Variants in SLC6A7 observed in about 807,000 individuals in gnomAD.
The protein encoded by SLC6A7 is solute carrier family 6 member 7, also known as sodium-dependent proline transporter.
Under a neutral mutation model 73.1 loss-of-function variants are expected in SLC6A7, and 58 were observed. That is an observed-to-expected ratio of 0.79 (90% confidence interval 0.64 to 0.99). The LOEUF (loss-of-function observed/expected upper bound fraction) is 0.99, where lower values mean the gene tolerates loss of function less well. SLC6A7 is among the 50% of genes least tolerant of loss of function. The pLI is 0.00. For synonymous variants in SLC6A7, 338 were observed against 338.7 expected (o/e 1.00, Z 0.02); for missense variants, 783 against 831.4 (o/e 0.94, Z 0.72).
Position 150,203,652 on chromosome 5 carries a change from G to A in SLC6A7, c.1088-15G>A, listed in dbSNP as rs539067866. ...GCATGACCCAAGCTGCTGACCCCGT[G>A]TGCCCCTGGCCCAGGCCCTGGCCTG... On this transcript the variant is annotated splice_polypyrimidine_tract_variant and intron_variant, in intron 8 of 13. Coordinates refer to ENST00000230671, the MANE Select transcript of SLC6A7 (RefSeq NM_014228.5). 5 of 1,424,076 alleles carry A rather than the reference G, an allele frequency of 3.5e-6. No individual in the cohort carries two copies. The highest frequency in any genetic ancestry group is 2.8e-5 in the African/African-American group (2 of 71,320). The allele number at this position is 1,424,076 out of a possible 1,614,324, so 88.2% of individuals were successfully genotyped here.
chr5:150,205,686 C>A, intron 13 of SLC6A7, 63 bp downstream of exon 13: 1 of 1,420,798 alleles, frequency 7.0e-7, no homozygotes, highest in East Asian at 2.3e-5. Context: ...CTAGGTCCCC[C>A]TGCTAGAACA....
At chr5:150,204,986 C>G in intron 12 of SLC6A7, 59 bp downstream of exon 12, 1 of 1,110,038 alleles carries the variant, frequency 9.0e-7, no homozygotes, top group Non-Finnish European at 1.4e-6. Flanking sequence ...AGCGGGAGTC[C>G]CCTCTGCACG....
In SLC6A7 at chr5:150,207,569, T is replaced by C. The variant is rs553015447; in HGVS notation, c.1702-1837T>C. Among the ~76,000 whole-genome samples, 13 of 152,266 alleles carry C rather than the reference T, an allele frequency of 8.5e-5. No homozygotes were observed. The South Asian group carries it at 2.7e-3, about 32-fold the overall frequency. On this transcript the variant is annotated intron_variant, in intron 13 of 13. Coordinates refer to ENST00000230671, the MANE Select transcript of SLC6A7 (RefSeq NM_014228.5). ...GTGATACCTACTTTTAGGCCTGTTA[T>C]GAGAAGAAAAGAAGTTTATCAATAT...
At chr5:150,208,124 T>C (rs967947982) in intron 13 of SLC6A7, among the ~76,000 whole-genome samples, 3 of 151,988 alleles carry the variant, frequency 2.0e-5, no homozygotes, top group African/African-American at 7.3e-5. Context: ...CCTAAGTCCT[T>C]GTTCTCAGGG....
Position 150,209,406 on chromosome 5 carries a change from C to T in SLC6A7, c.1702C>T (p.Arg568Trp), listed in dbSNP as rs778460865. 9 of 1,612,648 alleles carry T rather than the reference C, an allele frequency of 5.6e-6. No individual in the cohort carries two copies. Among genetic ancestry groups the T allele is most frequent in the East Asian group, 4.5e-5 (2 of 44,904 alleles). The change falls in exon 14 of 14, where the codon CGG (arginine) becomes TGG (tryptophan). Residue 568 changes from arginine (R) to tryptophan (W), a missense_variant and splice_region_variant. By Grantham distance (101) the Arg-to-Trp change is moderately radical. Transcript: ENST00000230671. ...VLREEGSLWE[R>W]LQQASRPAMD... The stretch of plus-strand genomic sequence containing the variant: ...CACTGCTCTCGTTGCTTTGCTGCAG[C>T]GGCTCCAACAGGCCAGCCGGCCGGC...
Position 150,199,271 on chromosome 5 carries a change from C to G in SLC6A7, c.628C>G (p.Pro210Ala). The change falls in exon 5 of 14, where the codon CCT (proline) becomes GCT (alanine). Residue 210 changes from proline (P) to alanine (A), a missense_variant. Coordinates refer to ENST00000230671, the MANE Select transcript of SLC6A7 (RefSeq NM_014228.5). ...HIQGSQGIGS[P>A]GEIRWNLCLC... ...CCAAGGCAGCCAGGGCATCGGCAGCCCTGGGGAGATCCGCTGGAACCTCTG... is the reference window on the plus strand; with the variant it reads ...CCAAGGCAGCCAGGGCATCGGCAGCGCTGGGGAGATCCGCTGGAACCTCTG... 3 of 1,613,940 alleles carry G rather than the reference C, an allele frequency of 1.9e-6. No homozygotes were observed. Among genetic ancestry groups the G allele is most frequent in the Non-Finnish European group, 2.5e-6 (3 of 1,179,900 alleles).
At chr5:150,203,477 C>T (rs958309513) in intron 8 of SLC6A7, among the ~76,000 whole-genome samples, 190 bp from the exon 9 acceptor site, 1 of 152,152 alleles carries the variant, frequency 6.6e-6, no homozygotes, top group African/African-American at 2.4e-5. Flanking sequence ...CTATGTTTAT[C>T]GAGCACCTAC....
Position 150,199,379 on chromosome 5 carries a change from A to G in SLC6A7, c.723+13A>G. The G allele has an allele frequency of 6.2e-7, 1 of 1,602,240 alleles. No homozygotes were observed. Among genetic ancestry groups the G allele is most frequent in the East Asian group, 2.2e-5 (1 of 44,734 alleles). Reference sequence around the variant, plus strand: ...GTCTTCGGGCAAGGTGAAGCCTGGGAGGCCCCGGAGGCCTGAGGGGCTGGA... The same window carrying G: ...GTCTTCGGGCAAGGTGAAGCCTGGGGGGCCCCGGAGGCCTGAGGGGCTGGA... On this transcript the variant is annotated intron_variant, in intron 5 of 13. Transcript: ENST00000230671.
rs969593253 is a variant in SLC6A7, at chr5:150,197,189, G to T, written c.497G>T (p.Cys166Phe). The change falls in exon 4 of 14, where the codon TGC becomes TTC. Residue 166 changes from cysteine to phenylalanine, a missense_variant. By Grantham distance (205) the Cys-to-Phe change is radical. Coordinates refer to ENST00000230671, the MANE Select transcript of SLC6A7 (RefSeq NM_014228.5). ...HCGNWWNTEL[C>F]LEHRVSKDGN... The stretch of plus-strand genomic sequence containing the variant: ...GGCAACTGGTGGAACACAGAACTCT[G>T]CCTGGAGCACAGAGTCTCCAAGGAC... 2.1e-5 allele frequency: 34 copies of T among 1,613,992 alleles called. No homozygotes were observed. The highest frequency in any genetic ancestry group is 2.9e-5 in the Non-Finnish European group (34 of 1,180,024).
chr5:150,196,979 G>A, intron 3 of SLC6A7, 63 bp from the exon 4 acceptor site: 2 of 1,552,700 alleles, frequency 1.3e-6, no homozygotes, highest in Non-Finnish European at 1.8e-6. Context: ...CTCCCCAGAA[G>A]CCACTCCACC....
Position 150,190,148 on chromosome 5 carries a change from C to A in SLC6A7, c.-180C>A. 1 of 502,522 alleles carries A rather than the reference C, an allele frequency of 2.0e-6. No individual in the cohort carries two copies. The highest frequency in any genetic ancestry group is 3.1e-5 in the South Asian group (1 of 31,824). 31.1% of individuals were successfully genotyped at this position (502,522 alleles called of 1,614,324 possible). A position where few individuals can be genotyped will look rare whatever the true frequency, so the allele number is the denominator to read the frequency against. ...GCTGCGCAGGGACAGACAAGGCATT[C>A]GCAGCGCCCTGCCCGCGCTCCACGC... On this transcript the variant is annotated 5_prime_UTR_variant, in exon 1 of 14. Coordinates refer to ENST00000230671, the MANE Select transcript of SLC6A7 (RefSeq NM_014228.5).
rs4705426 is a variant in SLC6A7 at position 150,205,462 on chromosome 5, A to C, written c.1540A>C (p.Met514Leu). 1 allele frequency: 1,599,651 copies of C among 1,599,654 alleles called. 799,824 individuals carry two copies. Among genetic ancestry groups the C allele is most frequent in the Middle Eastern group, 1 (5,980 of 5,980 alleles). The change falls in exon 13 of 14, where the codon ATG (methionine) becomes CTG (leucine). Residue 514 changes from methionine to leucine, a missense_variant. By Grantham distance (15) the Met-to-Leu change is conservative. Transcript: ENST00000230671. ...FLSPATLLALMVYSIVKYQPS... is the reference protein window; with the variant it reads ...FLSPATLLALLVYSIVKYQPS... ...GGGAGTCCCCACTCTGCAGGCCCTC[A>C]TGGTGTATAGCATCGTCAAGTACCA...
rs1753653514 is a variant in SLC6A7, at chr5:150,205,531, C to A, written c.1609C>A (p.Leu537Met). ...GSYRFPPWAE[L>M]LGILMGLLSC... is the part of the protein sequence containing the mutation. ...TTACCGCTTCCCGCCCTGGGCTGAG[C>A]TGCTGGGCATCCTGATGGGCCTGCT... Residue 537 changes from leucine (L) to methionine (M), a missense_variant, in exon 13 of 14, where the codon CTG becomes ATG. By Grantham distance (15) the Leu-to-Met change is conservative (BLOSUM62 2). Coordinates refer to ENST00000230671, the MANE Select transcript of SLC6A7 (RefSeq NM_014228.5). The A allele has an allele frequency of 1.2e-6, 2 of 1,613,408 alleles. No individual in the cohort carries two copies. Among genetic ancestry groups the A allele is most frequent in the Non-Finnish European group, 1.7e-6 (2 of 1,179,688 alleles).
chr5:150,191,473 C>G (rs1221873569), intron 1 of SLC6A7, among the ~76,000 whole-genome samples: 1 of 151,910 alleles, frequency 6.6e-6, no homozygotes, highest in Non-Finnish European at 1.5e-5. Flanking sequence ...CTCTGTCACC[C>G]AGGTTGGAGT....
At chr5:150,194,245 C>T (rs941704234) in intron 1 of SLC6A7, among the ~76,000 whole-genome samples, 121 of 152,072 alleles carry the variant, frequency 8.0e-4, no homozygotes, top group African/African-American at 2.6e-3. Flanking sequence ...CTGGCTAACA[C>T]GGTGAAACCC....
At chr5:150,191,629 A>G (rs879785571) in intron 1 of SLC6A7, among the ~76,000 whole-genome samples, 3 of 151,940 alleles carry the variant, frequency 2.0e-5, no homozygotes, top group Non-Finnish European at 2.9e-5. Context: ...ACGGGGTTTC[A>G]CCGTGTTAGC....
chr5:150,209,700 G>A lies in SLC6A7; in HGVS notation c.*85G>A. Reference sequence around the variant, plus strand: ...CTGCAAAGGTCAGCTGTGCCCTCTGGGATTCTGAGAGGCTATGGGGGGGCC... The same window carrying A: ...CTGCAAAGGTCAGCTGTGCCCTCTGAGATTCTGAGAGGCTATGGGGGGGCC... On this transcript the variant is annotated 3_prime_UTR_variant, in exon 14 of 14. Transcript: ENST00000230671. 8.7e-7 allele frequency: 1 copy of A among 1,149,380 alleles called. No individual in the cohort carries two copies. Among genetic ancestry groups the A allele is most frequent in the Non-Finnish European group, 1.3e-6 (1 of 790,742 alleles). 71.2% of individuals were successfully genotyped at this position (1,149,380 alleles called of 1,614,324 possible).
At position 150,202,695 on chromosome 5, in the gene SLC6A7, C is replaced by T. The variant is rs1435137673; in HGVS notation, c.1079C>T (p.Ala360Val). 6.2e-7 allele frequency: 1 copy of T among 1,614,048 alleles called. No homozygotes were observed. Among genetic ancestry groups the T allele is most frequent in the African/African-American group, 1.3e-5 (1 of 75,050 alleles). The change falls in exon 8 of 14, where the codon GCC becomes GTC. Residue 360 changes from alanine (A) to valine (V), a missense_variant. By Grantham distance (64) the Ala-to-Val change is moderately conservative (BLOSUM62 0). Transcript: ENST00000230671. ...QELGVPVDQV[A>V]KAGPGLAFVV... is the part of the protein sequence containing the mutation. Reference sequence around the variant, plus strand: ...CTGGGCGTGCCTGTGGACCAAGTAGCCAAAGCAGGTGGGCAGGCTGCCAGG... The same window carrying T: ...CTGGGCGTGCCTGTGGACCAAGTAGTCAAAGCAGGTGGGCAGGCTGCCAGG...
intron 5 of SLC6A7, among the ~76,000 whole-genome samples, chr5:150,200,174 G>A (rs1448159413): frequency 1.3e-5 from 2 of 152,178 alleles, no homozygotes; most frequent in Non-Finnish European, 2.9e-5. Flanking sequence ...TGATGAAGGG[G>A]TGGAAAGGAC....
Sources: gnomAD v4.1 joint callset for allele counts (sites outside exome capture counted in the v4.1 genomes callset) on GRCh38, gnomAD v4.1.1 for gene constraint, MANE v1.5 for transcripts, NCBI Gene and HGNC (gene_info 2026-07-23, HGNC 2026-07-21) for gene names.